C12orf42: variants seen among roughly 807,000 people sequenced by gnomAD.
C12orf42 encodes uncharacterized protein C12orf42.
C12orf42 carries 25 observed loss-of-function variants against 21.6 expected under a neutral mutation model. The ratio of observed to expected loss-of-function variants is 1.16; its 90% confidence interval spans 0.84 to 1.62. C12orf42 has a LOEUF of 1.62. C12orf42 is among the 40% of genes most tolerant of loss of function. The pLI is 0.00. For synonymous variants in C12orf42, 174 were observed against 175.0 expected (o/e 0.99, Z 0.05); for missense variants, 483 against 459.3 (o/e 1.05, Z -0.47).
At chr12:103,173,601 C>A in the C12orf42 span, among the ~76,000 whole-genome samples, 1 of 151,542 alleles carries the variant, frequency 6.6e-6, no homozygotes, top group Non-Finnish European at 1.5e-5. Context: ...GGAGAAATCA[C>A]CAAAGGCCCT....
At chr12:103,245,884 G>T (rs1349946787) in intron 10 of C12orf42, among the ~76,000 whole-genome samples, 1 of 152,088 alleles carries the variant, frequency 6.6e-6, no homozygotes, top group Non-Finnish European at 1.5e-5. Flanking sequence ...ATACTAGAAG[G>T]AGTGTCTAGC....
the C12orf42 span, among the ~76,000 whole-genome samples, chr12:103,184,766 G>T: frequency 7.5e-6 from 1 of 133,080 alleles, no homozygotes; most frequent in South Asian, 2.3e-4. Context: ...AACTCAGCAT[G>T]TGACTATATT....
At chr12:103,462,096 G>GGTTTTTTTTTTTTTTTTTTTT in intron 2 of C12orf42, among the ~76,000 whole-genome samples, 1 of 27,724 alleles carries the variant, frequency 3.6e-5, no homozygotes, top group Non-Finnish European at 6.6e-5. Flanking sequence ...TTTTTGCTTG[G>GGTTTTTTTTTTTTTTTTTTTT]TTTTTTTTTT....
chr12:103,504,430 A>G, the C12orf42 span: 1 of 160,696 alleles, frequency 6.2e-6, no homozygotes, highest in Non-Finnish European at 1.4e-5. Context: ...CATCGTGGAC[A>G]GCGTGGAGGT....
At chr12:103,231,105 C>A in the C12orf42 span, among the ~76,000 whole-genome samples, 3 of 152,054 alleles carry the variant, frequency 2.0e-5, no homozygotes, top group Admixed American at 6.6e-5. Context: ...AAAATTGATT[C>A]TTAATTTTGT....
intron 2 of C12orf42, among the ~76,000 whole-genome samples, chr12:103,438,927 C>CA (rs1295901735): frequency 6.6e-6 from 1 of 151,740 alleles, no homozygotes; most frequent in Non-Finnish European, 1.5e-5. Context: ...CATATGGAAC[C>CA]AAAAAAGAGC....
chr12:103,128,755 A>G, the C12orf42 span, among the ~76,000 whole-genome samples: 12 of 152,324 alleles, frequency 7.9e-5, no homozygotes, highest in African/African-American at 2.6e-4. Flanking sequence ...TATTTCCATT[A>G]TTCTGATCAC....
the C12orf42 span, among the ~76,000 whole-genome samples, chr12:103,226,803 G>C: frequency 6.6e-6 from 1 of 152,188 alleles, no homozygotes; most frequent in Non-Finnish European, 1.5e-5. Context: ...AACGACGCTT[G>C]TGGTTGGTAC....
At chr12:103,369,068 T>C in intron 3 of C12orf42, 70 bp from the exon 4 acceptor site, 2 of 720,326 alleles carry the variant, frequency 2.8e-6, no homozygotes, top group Admixed American at 2.9e-5. Context: ...TCATGCCACC[T>C]AGCACTCTTA....
At chr12:103,064,864 T>C in the C12orf42 span, among the ~76,000 whole-genome samples, 119 of 152,088 alleles carry the variant, frequency 7.8e-4, 1 homozygote, top group African/African-American at 2.5e-3. Context: ...GCTTATGGAG[T>C]CAGGTAATTA....
chr12:103,190,225 G>A, the C12orf42 span, among the ~76,000 whole-genome samples: 6 of 152,206 alleles, frequency 3.9e-5, no homozygotes, highest in Admixed American at 1.3e-4. Context: ...GGCAGGAGGA[G>A]AAGAAGCAAA....
chr12:103,203,943 G>T, the C12orf42 span, among the ~76,000 whole-genome samples: 1 of 152,264 alleles, frequency 6.6e-6, no homozygotes, highest in African/African-American at 2.4e-5. Context: ...ATTATTGAAG[G>T]AAAAGCCCAG....
the C12orf42 span, among the ~76,000 whole-genome samples, chr12:103,192,642 G>A: frequency 1.3e-5 from 2 of 152,056 alleles, no homozygotes; most frequent in Non-Finnish European, 2.9e-5. Context: ...ACTGTCACAA[G>A]AGACAAAATA....
At chr12:103,421,610 A>T (rs913478678) in intron 2 of C12orf42, among the ~76,000 whole-genome samples, 2 of 105,370 alleles carry the variant, frequency 1.9e-5, no homozygotes, top group South Asian at 2.8e-4. Context: ...TAAATAAATA[A>T]ATAAATAAAT....
At chr12:103,206,837 G>A in the C12orf42 span, among the ~76,000 whole-genome samples, 58 of 152,260 alleles carry the variant, frequency 3.8e-4, no homozygotes, top group Middle Eastern at 3.4e-3. Flanking sequence ...GTCTTGGAAC[G>A]TTCTCTGCAC....
intron 2 of C12orf42, among the ~76,000 whole-genome samples, chr12:103,459,382 C>T (rs1952532924): frequency 1.3e-5 from 2 of 152,134 alleles, no homozygotes; most frequent in Admixed American, 6.6e-5. Context: ...GAAGTAAATC[C>T]CTCATGAATG....
At chr12:103,064,128 C>T in the C12orf42 span, among the ~76,000 whole-genome samples, 1 of 152,148 alleles carries the variant, frequency 6.6e-6, no homozygotes, top group Admixed American at 6.6e-5. Context: ...CTACTCATCC[C>T]AGCTGGGAGG....
the C12orf42 span, among the ~76,000 whole-genome samples, chr12:103,122,431 A>G: frequency 6.6e-6 from 1 of 152,206 alleles, no homozygotes; most frequent in African/African-American, 2.4e-5. Context: ...ATATTTATTA[A>G]GTATCTGCTA....
At chr12:103,478,839 G>C (rs1355323835) in intron 1 of C12orf42, among the ~76,000 whole-genome samples, 1 of 152,032 alleles carries the variant, frequency 6.6e-6, no homozygotes, top group Non-Finnish European at 1.5e-5. Context: ...CATTTCCAAA[G>C]TATAGACATG....
Sources: allele counts gnomAD v4.1 joint callset (sites outside exome capture counted in the v4.1 genomes callset), GRCh38; gene constraint gnomAD v4.1.1; transcripts MANE v1.5; gene names NCBI Gene and HGNC (gene_info 2026-07-23, HGNC 2026-07-21).